Variants in BBOF1 observed in about 807,000 individuals in gnomAD.
BBOF1 encodes the protein basal body-orientation factor 1.
A neutral mutation model predicts 68.0 loss-of-function variants in BBOF1; 62 were observed. That is an observed-to-expected ratio of 0.91 (90% CI 0.74 to 1.13). The LOEUF is 1.13. Among genes scored for constraint, BBOF1 ranks in the 50% most tolerant of loss-of-function variants. The pLI is 0.00. For synonymous variants in BBOF1, 208 were observed against 198.8 expected, an observed-to-expected ratio of 1.05 and a Z score of -0.39; for missense variants, 534 against 600.1, an observed-to-expected ratio of 0.89 and a Z score of 1.15.
chr14:74,032,863 T>C (rs2059609002), intron 3 of BBOF1, among the ~76,000 whole-genome samples: 1 of 152,132 alleles, frequency 6.6e-6, no homozygotes, highest in Non-Finnish European at 1.5e-5. Flanking sequence ...TGCATTTCTT[T>C]TAGTACCTTT....
chr14:74,022,210 TA>T (rs553823979), intron 1 of BBOF1, among the ~76,000 whole-genome samples: 5 of 148,484 alleles, frequency 3.4e-5, no homozygotes, highest in South Asian at 2.1e-4. Context: ...CCATCTCTAT[TA>T]AAAAAAAAAT....
intron 5 of BBOF1, among the ~76,000 whole-genome samples, chr14:74,043,443 G>A (rs944137242): frequency 9.4e-5 from 14 of 148,548 alleles, no homozygotes; most frequent in East Asian, 2.0e-4. Context: ...CCAGCTACTC[G>A]GGAGGCTGAG....
intron 11 of BBOF1, chr14:74,059,550 C>T: frequency 3.0e-6 from 1 of 330,026 alleles, no homozygotes; most frequent in Non-Finnish European, 5.9e-6. Flanking sequence ...ACAAAATTAG[C>T]TGGGTGTGGT....
intron 2 of BBOF1, among the ~76,000 whole-genome samples, chr14:74,024,897 C>G (rs2059390816): frequency 6.6e-6 from 1 of 152,092 alleles, no homozygotes; most frequent in South Asian, 2.1e-4. Context: ...GCAATAGCAC[C>G]TGGTCCAGAA....
chr14:74,046,551 T>G (rs1461096414), intron 6 of BBOF1, among the ~76,000 whole-genome samples: 2 of 152,034 alleles, frequency 1.3e-5, no homozygotes, highest in Non-Finnish European at 2.9e-5. Context: ...TGTTGTATTT[T>G]TAGTAGAGAC....
At chr14:74,019,652 C>T (rs952374744) in intron 1 of BBOF1, 118 bp downstream of exon 1, 1 of 1,488,298 alleles carries the variant, frequency 6.7e-7, no homozygotes, top group Middle Eastern at 1.8e-4. Flanking sequence ...CCGGCTCTCC[C>T]GGCTTGTGAG....
intron 2 of BBOF1, 152 bp downstream of exon 2, chr14:74,023,296 T>C (rs1237712595): frequency 6.3e-6 from 1 of 159,824 alleles, no homozygotes; most frequent in Non-Finnish European, 1.3e-5. Context: ...GCAAGACACT[T>C]TTTCAGAATG....
At chr14:74,059,481 A>C in intron 11 of BBOF1, 1 of 438,180 alleles carries the variant, frequency 2.3e-6, no homozygotes, top group Non-Finnish European at 4.6e-6. Flanking sequence ...GGATCACCTG[A>C]GGTCAGGAGT....
chr14:74,042,090 G>A (rs72627151), intron 5 of BBOF1, among the ~76,000 whole-genome samples: 25,235 of 152,066 alleles, frequency 0.17, 2,607 homozygotes, highest in East Asian at 0.57. Flanking sequence ...TATGTTGCTG[G>A]TCTCGAACTC....
In BBOF1 at chr14:74,065,062, T is replaced by C; in HGVS notation, c.*363T>C. 2 of 1,391,980 alleles carry C rather than the reference T, an allele frequency of 1.4e-6. No individual in the cohort carries two copies. Among genetic ancestry groups the C allele is most frequent in the Admixed American group, 1.9e-5 (1 of 53,496 alleles). 86.2% of individuals were successfully genotyped at this position (1,391,980 alleles called of 1,614,324 possible). On this transcript the variant is annotated 3_prime_UTR_variant, in exon 12 of 12. Coordinates refer to ENST00000394009, the MANE Select transcript of BBOF1 (RefSeq NM_025057.3). ...TGAACTTTCATTCCTGAGGAAGAAA[T>C]GGGGCAATGTGGGAGGTCATGGGGG...
chr14:74,050,035 AT>A lies in BBOF1; in HGVS notation c.1128del (p.Ser377AlafsTer8). 1 of 1,614,194 alleles carries A rather than the reference AT, an allele frequency of 6.2e-7. No individual in the cohort carries two copies. The highest frequency in any genetic ancestry group is 8.5e-7 in the Non-Finnish European group (1 of 1,180,034). ...GCACCAAGTGAAGCAACAGATCCTA[AT>A]TAGCAGGAAGCATTATAAGCAGATA... ...ALHQVKQQIL[I>X]SRKHYKQIAQ... On this transcript the variant is annotated frameshift_variant, in exon 8 of 12. Coordinates refer to ENST00000394009, the MANE Select transcript of BBOF1 (RefSeq NM_025057.3). LOFTEE classifies it high-confidence loss of function.
chr14:74,034,300 G>A (rs1272274752), intron 4 of BBOF1, 129 bp downstream of exon 4: 1 of 596,630 alleles, frequency 1.7e-6, no homozygotes. Flanking sequence ...AATTATTTGA[G>A]AGAAAAAGGA....
intron 4 of BBOF1, among the ~76,000 whole-genome samples, chr14:74,038,292 G>A (rs1416717260): frequency 1.3e-5 from 2 of 152,226 alleles, no homozygotes; most frequent in African/African-American, 4.8e-5. Flanking sequence ...AAATGCTGTA[G>A]ATTGAATCAA....
In BBOF1 at chr14:74,022,923, A is replaced by G. The variant is rs1454236188; in HGVS notation, c.64A>G (p.Ile22Val). 1 of 1,604,400 alleles carries G rather than the reference A, an allele frequency of 6.2e-7. No homozygotes were observed. ...TATCCTCTTCCCATGCAGGAAGTTA[A>G]TAAAAACAGATGAATCTGTGGTGGA... Reference protein sequence around the residue: ...KSKGKDTKKLIKTDESVVDRA... With the variant: ...KSKGKDTKKLVKTDESVVDRA... Residue 22 changes from isoleucine (I) to valine (V), a missense_variant, in exon 2 of 12, where the codon ATA becomes GTA. Physicochemically the swap from Ile to Val is conservative, Grantham distance 29 (BLOSUM62 3). Transcript: ENST00000394009.
At chr14:74,033,998 C>G (rs1363810388) in intron 3 of BBOF1, 30 bp from the exon 4 acceptor site, 3 of 1,557,698 alleles carry the variant, frequency 1.9e-6, no homozygotes, top group Middle Eastern at 1.7e-4. Flanking sequence ...GTTCTTTTTC[C>G]TAACTCGTTT....
At chr14:74,078,341 C>G in exon 10 of BBOF1, 1 of 438,424 alleles carries the variant, frequency 2.3e-6, no homozygotes, top group South Asian at 1.6e-5. Flanking sequence ...TATATGTGGA[C>G]TGGATGAAGA....
downstream of BBOF1, chr14:74,070,781 A>G (rs547311175): frequency 4.8e-6 from 1 of 207,720 alleles, no homozygotes; most frequent in Admixed American, 5.3e-5. Context: ...TTAATAGATA[A>G]AAAGCACTAG....
intron 3 of BBOF1, among the ~76,000 whole-genome samples, chr14:74,031,453 A>G (rs993606394): frequency 6.6e-6 from 1 of 152,114 alleles, no homozygotes; most frequent in Non-Finnish European, 1.5e-5. Context: ...TTGTGTGGAT[A>G]TATCATAGTT....
In BBOF1 at chr14:74,071,802, A is replaced by G. The variant is rs376418620; in HGVS notation, n.1380-6394A>G. The G allele has an allele frequency of 9.0e-5, 136 of 1,504,764 alleles. No individual in the cohort carries two copies. In the East Asian group the frequency reaches 2.0e-3, roughly 22 times the overall value. The allele number at this position is 1,504,764 out of a possible 1,614,324, so 93.2% of individuals were successfully genotyped here. On this transcript the variant is annotated intron_variant and non_coding_transcript_variant, in intron 9 of 12. Coordinates refer to the BBOF1 transcript ENST00000492026. ...AAGATATCATGGGATGGCAAAATCT[A>G]TGTAAAGGAAGAAGCAACCTCCCAT...
Sources: gnomAD v4.1 joint callset for allele counts (sites outside exome capture counted in the v4.1 genomes callset) on GRCh38, gnomAD v4.1.1 for gene constraint, MANE v1.5 for transcripts, NCBI Gene and HGNC (gene_info 2026-07-23, HGNC 2026-07-21) for gene names.